Variants in CUL5 observed in about 807,000 individuals in gnomAD.
CUL5 encodes the protein cullin-5.
A neutral mutation model predicts 108.8 loss-of-function variants in CUL5; 26 were observed. The observed-to-expected ratio is 0.24, with a 90% CI of 0.18 to 0.33. The LOEUF is 0.33. Ranked by LOEUF, CUL5 falls within the 10% of genes least tolerant of loss-of-function variation. The probability of loss-of-function intolerance (pLI) is 1.00; values close to 1 mark genes in which losing one functional copy is unlikely to be tolerated. For synonymous variants in CUL5, 334 were observed against 298.0 expected, an observed-to-expected ratio of 1.12 and a Z score of -1.25; for missense variants, 524 against 909.2, an observed-to-expected ratio of 0.58 and a Z score of 5.45.
At chr11:108,097,084 C>G (rs897665018) in intron 16 of CUL5, among the ~76,000 whole-genome samples, 3 of 152,142 alleles carry the variant, frequency 2.0e-5, no homozygotes, top group Admixed American at 1.3e-4. Context: ...GTGGCACAAT[C>G]TCAGCTCACT....
At position 108,103,883 on chromosome 11, in the gene CUL5, C is replaced by A. The variant is rs370896820; in HGVS notation, c.2149-307C>A. ...TGCAGGTTTGTTACATGGGTATACA[C>A]GTGTCATGGTCATTTGCTGCACCCA... On this transcript the variant is annotated intron_variant, in intron 18 of 18. Coordinates refer to ENST00000393094, the MANE Select transcript of CUL5 (RefSeq NM_003478.6). Among the ~76,000 whole-genome samples the A allele has an allele frequency of 2.2e-4, 33 of 152,162 alleles. No individual in the cohort carries two copies. The East Asian group carries it at 3.9e-3, about 18-fold the overall frequency.
At chr11:108,058,174 A>G (rs1337827893) in intron 7 of CUL5, among the ~76,000 whole-genome samples, 1 of 136,470 alleles carries the variant, frequency 7.3e-6, no homozygotes, top group African/African-American at 2.8e-5. Context: ...GCGCCACCAC[A>G]CTCCAGCCTG....
chr11:108,022,086 C>CCTCCCACCTTGGT (rs1862340546), intron 1 of CUL5, among the ~76,000 whole-genome samples: 3 of 102,342 alleles, frequency 2.9e-5, no homozygotes, highest in Non-Finnish European at 4.5e-5. Flanking sequence ...CTCAAGTGAT[C>CCTCCCACCTTGGT]CTCCCACCGT....
intron 1 of CUL5, among the ~76,000 whole-genome samples, chr11:108,023,031 C>T (rs1862364038): frequency 6.6e-6 from 1 of 152,152 alleles, no homozygotes; most frequent in East Asian, 1.9e-4. Flanking sequence ...GGTGGATCAC[C>T]TGAGGTCAGG....
intron 3 of CUL5, among the ~76,000 whole-genome samples, chr11:108,048,079 A>G (rs1347121406): frequency 2.6e-5 from 4 of 152,188 alleles, no homozygotes; most frequent in Non-Finnish European, 5.9e-5. Flanking sequence ...ATGGGTCTTA[A>G]AAAGACCCAT....
chr11:108,095,039 C>A, intron 15 of CUL5, 52 bp downstream of exon 15: 1 of 1,433,388 alleles, frequency 7.0e-7, no homozygotes, highest in Non-Finnish European at 9.6e-7. Context: ...ATGAAAGTAG[C>A]AGGACTCCGC....
At chr11:108,100,278 C>T (rs966935625) in intron 18 of CUL5, among the ~76,000 whole-genome samples, 1 of 152,152 alleles carries the variant, frequency 6.6e-6, no homozygotes, top group Non-Finnish European at 1.5e-5. Flanking sequence ...CGCGGTGGCT[C>T]ACACCTGTAA....
At chr11:108,056,459 T>C (rs1185943113) in intron 7 of CUL5, among the ~76,000 whole-genome samples, 2 of 152,236 alleles carry the variant, frequency 1.3e-5, no homozygotes, top group African/African-American at 4.8e-5. Flanking sequence ...TTGGTTCTTT[T>C]AGTTTTTGTT....
chr11:108,057,890 TA>T (rs1863426105), intron 7 of CUL5, among the ~76,000 whole-genome samples: 1 of 152,168 alleles, frequency 6.6e-6, no homozygotes, highest in African/African-American at 2.4e-5. Flanking sequence ...AACTTTTCTG[TA>T]ATCATTAATC....
At chr11:108,092,184 A>G (rs1864379652) in intron 13 of CUL5, among the ~76,000 whole-genome samples, 1 of 152,206 alleles carries the variant, frequency 6.6e-6, no homozygotes, top group African/African-American at 2.4e-5. Context: ...CCACTAGGGT[A>G]GCTAAAATAA....
chr11:108,088,756 G>C (rs1413089675), intron 12 of CUL5, 97 bp downstream of exon 12: 2 of 899,164 alleles, frequency 2.2e-6, no homozygotes, highest in Admixed American at 3.6e-5. Flanking sequence ...ATTTAAAAAT[G>C]TATTATCTGT....
intron 11 of CUL5, among the ~76,000 whole-genome samples, chr11:108,079,295 G>A (rs979763322): frequency 1.3e-5 from 2 of 151,996 alleles, no homozygotes; most frequent in East Asian, 1.9e-4. Flanking sequence ...TAATGGAGAC[G>A]GGGTTTCGCC....
intron 4 of CUL5, among the ~76,000 whole-genome samples, chr11:108,052,054 C>T (rs2135133499): frequency 6.6e-6 from 1 of 152,290 alleles, no homozygotes; most frequent in South Asian, 2.1e-4. Context: ...CAGCCTTGCC[C>T]TCCTGGACTT....
Position 108,009,392 on chromosome 11 carries a change from T to G in CUL5, c.24+20T>G. On this transcript the variant is annotated intron_variant, in intron 1 of 18. Transcript: ENST00000393094. ...TTAAAGGTAAGACCCTCACTCCAGCTTGGGTTTTACTGTGTGGCCGCCGGG... is the reference window on the plus strand; with the variant it reads ...TTAAAGGTAAGACCCTCACTCCAGCGTGGGTTTTACTGTGTGGCCGCCGGG... 2 of 1,613,378 alleles carry G rather than the reference T, an allele frequency of 1.2e-6. No homozygotes were observed. The highest frequency in any genetic ancestry group is 2.2e-5 in the South Asian group (2 of 90,990).
intron 11 of CUL5, among the ~76,000 whole-genome samples, chr11:108,078,502 TA>T (rs1339021944): frequency 2.6e-5 from 4 of 152,278 alleles, no homozygotes; most frequent in Admixed American, 2.6e-4. Context: ...CATTAGTCAC[TA>T]AAAGTATTCT....
intron 1 of CUL5, 145 bp downstream of exon 1, chr11:108,009,517 G>A: frequency 1.2e-6 from 1 of 825,172 alleles, no homozygotes; most frequent in Non-Finnish European, 2.0e-6. Flanking sequence ...CAGCCGGCGA[G>A]TACCGGAACG....
At chr11:108,022,982 C>A (rs1862362707) in intron 1 of CUL5, among the ~76,000 whole-genome samples, 1 of 152,216 alleles carries the variant, frequency 6.6e-6, no homozygotes, top group Admixed American at 6.5e-5. Context: ...AGCGTGGTGG[C>A]TCACGCCTGT....
In CUL5 at chr11:108,009,329, G is replaced by C; in HGVS notation, c.-20G>C. On this transcript the variant is annotated 5_prime_UTR_variant, in exon 1 of 19. Transcript: ENST00000393094. ...GCCACGAATTCTCGCGTCGTCTCGC[G>C]AGAGTCCAAGTTAAAGAACATGGCG... is the stretch of plus-strand genomic sequence containing the variant. The C allele has an allele frequency of 5.6e-6, 9 of 1,612,428 alleles. No homozygotes were observed. The highest frequency in any genetic ancestry group is 2.2e-5 in the South Asian group (2 of 90,888).
At chr11:108,040,734 A>G (rs1420447581) in intron 2 of CUL5, among the ~76,000 whole-genome samples, 1 of 151,930 alleles carries the variant, frequency 6.6e-6, no homozygotes, top group Non-Finnish European at 1.5e-5. Flanking sequence ...CGAGCTTATC[A>G]TGCCACTGCA....
Sources: allele counts gnomAD v4.1 joint callset (sites outside exome capture counted in the v4.1 genomes callset), GRCh38; gene constraint gnomAD v4.1.1; transcripts MANE v1.5; gene names NCBI Gene and HGNC (gene_info 2026-07-23, HGNC 2026-07-21).